EXOC2: variants seen among roughly 807,000 people sequenced by gnomAD.
EXOC2 encodes the protein exocyst complex component 2.
A neutral mutation model predicts 131.8 loss-of-function variants in EXOC2; 70 were observed. The ratio of observed to expected loss-of-function variants is 0.53; its 90% confidence interval spans 0.44 to 0.65. EXOC2 has a LOEUF of 0.65. Among genes scored for constraint, EXOC2 ranks in the 30% least tolerant of loss-of-function variants. The pLI is 0.00. For missense variants in EXOC2, 923 were observed against 1,108.6 expected, an observed-to-expected ratio of 0.83 and a Z score of 2.38; for synonymous variants, 411 against 398.4, an observed-to-expected ratio of 1.03 and a Z score of -0.38.
intron 23 of EXOC2, among the ~76,000 whole-genome samples, chr6:502,244 G>A (rs1374675811): frequency 6.6e-6 from 1 of 152,222 alleles, no homozygotes; most frequent in Non-Finnish European, 1.5e-5. Context: ...TCTGCCCTCA[G>A]TGAGAACCGG....
chr6:656,075 A>C, intron 1 of EXOC2: 1 of 1,522,186 alleles, frequency 6.6e-7, no homozygotes, highest in South Asian at 1.2e-5. Flanking sequence ...AAAGATCAAA[A>C]CCTTAAAAAA....
At chr6:627,568 C>T (rs575801550) in intron 4 of EXOC2, among the ~76,000 whole-genome samples, 1 of 152,272 alleles carries the variant, frequency 6.6e-6, no homozygotes, top group African/African-American at 2.4e-5. Context: ...AATGGCGATG[C>T]CAGGGATTCC....
chr6:646,425 A>C (rs897147167), intron 1 of EXOC2, among the ~76,000 whole-genome samples: 1 of 152,206 alleles, frequency 6.6e-6, no homozygotes, highest in Non-Finnish European at 1.5e-5. Flanking sequence ...GAAGGAAGTA[A>C]GTAAGGGGTT....
chr6:626,904 T>A (rs914941280), intron 4 of EXOC2, among the ~76,000 whole-genome samples: 2 of 152,180 alleles, frequency 1.3e-5, no homozygotes, highest in African/African-American at 4.8e-5. Context: ...CAAACTTTTT[T>A]AAGTATGTTT....
chr6:507,167 C>CCCACACACACACAGCAGTGACT, intron 23 of EXOC2, among the ~76,000 whole-genome samples: 1 of 49,720 alleles, frequency 2.0e-5, no homozygotes. Context: ...GTGACCCCCC[C>CCCACACACACACAGCAGTGACT]ACCCACACAC....
Position 486,756 on chromosome 6 carries a change from TCCAGTAA to T in EXOC2, c.2683_2689del (p.Leu895LysfsTer4). ...ACTCTTGAACTTGTTCAGGAGCTCT[TCCAGTAA>T]CCTGCAGGACGGAGACACTTGTTTT... On this transcript the variant is annotated frameshift_variant and splice_region_variant, in exon 28 of 28. Transcript: ENST00000230449. LOFTEE classifies it high-confidence loss of function. 6.2e-7 allele frequency: 1 copy of T among 1,613,932 alleles called. No homozygotes were observed. The highest frequency in any genetic ancestry group is 1.3e-5 in the African/African-American group (1 of 75,018).
intron 23 of EXOC2, among the ~76,000 whole-genome samples, chr6:504,781 T>C (rs1764434510): frequency 6.6e-6 from 1 of 152,180 alleles, no homozygotes; most frequent in Non-Finnish European, 1.5e-5. Flanking sequence ...ACACGTGCTG[T>C]GTATCTATCA....
At chr6:660,305 G>A (rs928864755) in intron 1 of EXOC2, among the ~76,000 whole-genome samples, 1 of 152,038 alleles carries the variant, frequency 6.6e-6, no homozygotes, top group Non-Finnish European at 1.5e-5. Context: ...GATGCTTTCT[G>A]GAAAGCACCA....
intron 6 of EXOC2, among the ~76,000 whole-genome samples, chr6:613,606 T>A (rs1216438264): frequency 6.6e-6 from 1 of 152,162 alleles, no homozygotes; most frequent in African/African-American, 2.4e-5. Context: ...GTTCCCCCAT[T>A]TTTCTTAACC....
At chr6:616,370 G>T (rs569748470) in intron 6 of EXOC2, among the ~76,000 whole-genome samples, 432 of 152,218 alleles carry the variant, frequency 2.8e-3, no homozygotes, top group African/African-American at 9.3e-3. Flanking sequence ...TTGGGAGGCC[G>T]AGGCGGGCGG....
chr6:596,856 A>G (rs1182756870), intron 10 of EXOC2, among the ~76,000 whole-genome samples: 5 of 152,254 alleles, frequency 3.3e-5, no homozygotes, highest in Non-Finnish European at 7.3e-5. Context: ...AATGAAGTTA[A>G]TATTTTTAAT....
intron 23 of EXOC2, among the ~76,000 whole-genome samples, chr6:511,570 G>T (rs767169499): frequency 6.6e-6 from 1 of 152,238 alleles, no homozygotes; most frequent in African/African-American, 2.4e-5. Context: ...TGTTGGGACT[G>T]ACGACATTGA....
chr6:515,396 C>T (rs140325566), intron 23 of EXOC2, among the ~76,000 whole-genome samples: 12 of 152,370 alleles, frequency 7.9e-5, no homozygotes, highest in African/African-American at 2.9e-4. Context: ...TCCTCCCCGT[C>T]TGTCCCCTGC....
At chr6:536,516 C>T (rs1350998105) in intron 22 of EXOC2, among the ~76,000 whole-genome samples, 1 of 151,928 alleles carries the variant, frequency 6.6e-6, no homozygotes, top group Non-Finnish European at 1.5e-5. Flanking sequence ...TCAATGAACC[C>T]CTAAAAGGCC....
chr6:672,102 T>C (rs1280893185), intron 1 of EXOC2, among the ~76,000 whole-genome samples: 1 of 152,198 alleles, frequency 6.6e-6, no homozygotes, highest in Non-Finnish European at 1.5e-5. Flanking sequence ...CCCACAATTC[T>C]TGGCTGTTCC....
chr6:615,183 GT>G (rs375976718), intron 6 of EXOC2, among the ~76,000 whole-genome samples: 6,386 of 77,614 alleles, frequency 0.082, 341 homozygotes, highest in East Asian at 0.43. Flanking sequence ...GTGGGTGTGG[GT>G]GTGTGTGTGT....
rs376077733 is a variant in EXOC2 at position 553,796 on chromosome 6, C to T, written c.2121+58G>A. 2.1e-5 allele frequency: 31 copies of T among 1,447,984 alleles called. No individual in the cohort carries two copies. The Middle Eastern group carries it at 5.2e-4, about 24-fold the overall frequency. 89.7% of individuals were successfully genotyped at this position (1,447,984 alleles called of 1,614,324 possible). A position where few individuals can be genotyped will look rare whatever the true frequency, so the allele number is the denominator to read the frequency against. On this transcript the variant is annotated intron_variant, in intron 21 of 27. Transcript: ENST00000230449. ...TGCAGGAACACAGTCATTAGATTTG[C>T]GAAATTGTTGTTACACAGTTTTAAA...
At chr6:612,852 T>C (rs1051843761) in intron 6 of EXOC2, among the ~76,000 whole-genome samples, 1 of 152,202 alleles carries the variant, frequency 6.6e-6, no homozygotes, top group Admixed American at 6.5e-5. Context: ...ACTCACACAG[T>C]TTTGACCCAC....
intron 23 of EXOC2, among the ~76,000 whole-genome samples, chr6:522,260 C>T (rs1339952730): frequency 6.6e-6 from 1 of 152,098 alleles, no homozygotes; most frequent in Non-Finnish European, 1.5e-5. Flanking sequence ...AGGCCTCAGG[C>T]AGGTCCACGC....
Sources: gnomAD v4.1 joint callset for allele counts (sites outside exome capture counted in the v4.1 genomes callset) on GRCh38, gnomAD v4.1.1 for gene constraint, MANE v1.5 for transcripts, NCBI Gene and HGNC (gene_info 2026-07-23, HGNC 2026-07-21) for gene names.